CTTNBP2NL: variants seen among roughly 807,000 people sequenced by gnomAD.
CTTNBP2NL encodes the protein CTTNBP2 N-terminal like.
In CTTNBP2NL, 16 loss-of-function variants were observed where a neutral mutation model predicts 32.5. That is an observed-to-expected ratio of 0.49 (90% CI 0.33 to 0.75). The LOEUF is 0.75. Among genes scored for constraint, CTTNBP2NL ranks in the 30% least tolerant of loss-of-function variants. CTTNBP2NL has a pLI of 0.02. For synonymous variants in CTTNBP2NL, 298 were observed against 289.4 expected, an observed-to-expected ratio of 1.03 and a Z score of -0.30; for missense variants, 645 against 756.0, an observed-to-expected ratio of 0.85 and a Z score of 1.72.
chr1:112,460,053 C>G lies in CTTNBP2NL; in HGVS notation c.*2641C>G, dbSNP rs531421150. The G allele has an allele frequency of 6.6e-6, 1 of 152,174 alleles. No homozygotes were observed. The highest frequency in any genetic ancestry group is 1.9e-4 in the East Asian group (1 of 5,178). The allele number at this position is 152,174 out of a possible 1,614,324, so 9.4% of individuals were successfully genotyped here. On this transcript the variant is annotated 3_prime_UTR_variant, in exon 6 of 6. Transcript: ENST00000271277. ...TGTGTGTGTGTGCTAAGTAAAAGTT[C>G]CATGATTCACAATTTTAGTATTAAC...
chr1:112,413,468 A>G (rs1374731985), intron 2 of CTTNBP2NL, among the ~76,000 whole-genome samples: 1 of 152,222 alleles, frequency 6.6e-6, no homozygotes, highest in African/African-American at 2.4e-5. Flanking sequence ...TAATCTTCAT[A>G]GCAGCCCTAT....
rs893165216 is a variant in CTTNBP2NL, at chr1:112,400,726, A to T, written c.-134+4454A>T. On this transcript the variant is annotated intron_variant, in intron 1 of 5. Coordinates refer to ENST00000271277, the MANE Select transcript of CTTNBP2NL (RefSeq NM_018704.3). ...AGAATGGCTTTAACCCGGGAGACGG[A>T]GGTTGCAGTGAGCCAAGATCGTGCC... 7.2e-5 allele frequency among the ~76,000 whole-genome samples: 11 copies of T among 152,262 alleles called. 1 individual carries two copies. Among genetic ancestry groups the T allele is most frequent in the African/African-American group, 2.2e-4 (9 of 41,550 alleles).
chr1:112,415,957 A>G (rs1489240654), intron 2 of CTTNBP2NL, 200 bp from the exon 3 acceptor site: 4 of 487,354 alleles, frequency 8.2e-6, no homozygotes, highest in Non-Finnish European at 1.1e-5. Context: ...AGTGAAATCA[A>G]TAATTAAAGT....
At chr1:112,451,858 C>T (rs192060372) in intron 4 of CTTNBP2NL, among the ~76,000 whole-genome samples, 1 of 152,164 alleles carries the variant, frequency 6.6e-6, no homozygotes, top group African/African-American at 2.4e-5. Context: ...CACCTCTCCT[C>T]TGCAGTACCT....
In CTTNBP2NL at chr1:112,438,649, G is replaced by A. The variant is rs555708365; in HGVS notation, c.100-10293G>A. On this transcript the variant is annotated intron_variant, in intron 3 of 5. Coordinates refer to ENST00000271277, the MANE Select transcript of CTTNBP2NL (RefSeq NM_018704.3). The stretch of plus-strand genomic sequence containing the variant: ...CTTACCTTTTGCCAGCTTTCAAGGG[G>A]AATGCTTCCAGCTTTTGCATATTCA... 4.6e-5 allele frequency among the ~76,000 whole-genome samples: 7 copies of A among 152,264 alleles called. No individual in the cohort carries two copies. In the South Asian group the frequency reaches 1.5e-3, roughly 32 times the overall value.
rs1399861572 is a variant in CTTNBP2NL, at chr1:112,456,725, C to T, written c.1233C>T (p.Ser411=). 1 of 1,614,026 alleles carries T rather than the reference C, an allele frequency of 6.2e-7. No individual in the cohort carries two copies. The highest frequency in any genetic ancestry group is 8.5e-7 in the Non-Finnish European group (1 of 1,179,938). ...CCAGTCCCCTCTCTTCCAGTGGGAG[C>T]TCACTGTCTCCCAGCAGCACTGCCT... ...PMPSPLSSSG[S]SLSPSSTASS... Residue 411 remains serine, a synonymous_variant, in exon 6 of 6, where the codon AGC becomes AGT. Transcript: ENST00000271277.
At position 112,454,568 on chromosome 1, in the gene CTTNBP2NL, A is replaced by G. The variant is rs200426163; in HGVS notation, c.438+12A>G. On this transcript the variant is annotated intron_variant, in intron 5 of 5. Transcript: ENST00000271277. ...GGCTGACTCAACAGGTAATTAAGGTAGAGGGATTCACAGTAGCATTTGCCT... is the reference window on the plus strand; with the variant it reads ...GGCTGACTCAACAGGTAATTAAGGTGGAGGGATTCACAGTAGCATTTGCCT... The G allele has an allele frequency of 1.4e-5, 22 of 1,554,658 alleles. No homozygotes were observed. The East Asian group carries it at 4.7e-4, about 33-fold the overall frequency.
intron 3 of CTTNBP2NL, among the ~76,000 whole-genome samples, chr1:112,442,161 T>C (rs1342578446): frequency 6.6e-6 from 1 of 152,232 alleles, no homozygotes; most frequent in Non-Finnish European, 1.5e-5. Context: ...TGTCTCACTC[T>C]GTCACCCAGG....
chr1:112,417,403 C>A (rs2101003308), intron 3 of CTTNBP2NL, among the ~76,000 whole-genome samples: 1 of 152,328 alleles, frequency 6.6e-6, no homozygotes, highest in South Asian at 2.1e-4. Context: ...ATGTACTCTG[C>A]AGCACATACT....
At chr1:112,405,149 A>G (rs2100992875) in intron 1 of CTTNBP2NL, among the ~76,000 whole-genome samples, 1 of 152,358 alleles carries the variant, frequency 6.6e-6, no homozygotes, top group East Asian at 1.9e-4. Context: ...CTTTTTTAAA[A>G]TGTTCAATGA....
intron 3 of CTTNBP2NL, among the ~76,000 whole-genome samples, chr1:112,426,208 A>T (rs184518556): frequency 6.6e-6 from 1 of 152,184 alleles, no homozygotes; most frequent in East Asian, 1.9e-4. Flanking sequence ...GGATTTTGTC[A>T]TGCTTTTTCT....
intron 3 of CTTNBP2NL, among the ~76,000 whole-genome samples, chr1:112,425,698 T>C (rs537464006): frequency 7.3e-6 from 1 of 137,442 alleles, no homozygotes; most frequent in Admixed American, 7.3e-5. Context: ...ACCCCTTGTC[T>C]AAAAAAAAAA....
Position 112,402,107 on chromosome 1 carries a change from G to C in CTTNBP2NL, c.-134+5835G>C, listed in dbSNP as rs569903380. 5.9e-5 allele frequency among the ~76,000 whole-genome samples: 9 copies of C among 152,104 alleles called. No individual in the cohort carries two copies. The East Asian group carries it at 1.7e-3, about 29-fold the overall frequency. On this transcript the variant is annotated intron_variant, in intron 1 of 5. Coordinates refer to ENST00000271277, the MANE Select transcript of CTTNBP2NL (RefSeq NM_018704.3). ...TAGGCTGAAGCTGAAGTGTGCTCTG[G>C]GTCTACTCACCATAGAAAGGTGAGA...
At chr1:112,450,371 C>G (rs1650180771) in intron 4 of CTTNBP2NL, among the ~76,000 whole-genome samples, 2 of 152,196 alleles carry the variant, frequency 1.3e-5, no homozygotes, top group Non-Finnish European at 2.9e-5. Context: ...TAATCAGATT[C>G]TCCAAGTTAC....
In CTTNBP2NL at chr1:112,455,989, G is replaced by A. The variant is rs549525235; in HGVS notation, c.497G>A (p.Ser166Asn). The A allele has an allele frequency of 2.1e-4, 335 of 1,612,750 alleles. No homozygotes were observed. Among genetic ancestry groups the A allele is most frequent in the Non-Finnish European group, 2.8e-4 (327 of 1,179,716 alleles). The change falls in exon 6 of 6, where the codon AGT becomes AAT. Residue 166 changes from serine to asparagine, a missense_variant. Ser to Asn is a conservative substitution (Grantham distance 46). Transcript: ENST00000271277. ...KFEKEQKKLSSQLEEERSRHK... is the reference protein window; with the variant it reads ...KFEKEQKKLSNQLEEERSRHK... ...GAAAAAGAACAGAAGAAGCTCTCTA[G>A]TCAGCTGGAAGAGGAGCGCTCCCGC...
chr1:112,453,233 G>T (rs1650274491), intron 4 of CTTNBP2NL, among the ~76,000 whole-genome samples: 3 of 151,994 alleles, frequency 2.0e-5, no homozygotes, highest in South Asian at 4.2e-4. Flanking sequence ...TGGGATTACA[G>T]GCATGAGCTC....
intron 3 of CTTNBP2NL, among the ~76,000 whole-genome samples, chr1:112,425,987 G>A (rs530549890): frequency 7.7e-6 from 1 of 130,642 alleles, no homozygotes; most frequent in African/African-American, 2.6e-5. Flanking sequence ...GTGTGTGTGT[G>A]TGTGTGTGTG....
intron 3 of CTTNBP2NL, among the ~76,000 whole-genome samples, chr1:112,419,135 T>C (rs113765922): frequency 0.014 from 2,071 of 152,302 alleles, 43 homozygotes; most frequent in African/African-American, 0.047. Flanking sequence ...TATCCTCTTT[T>C]AAAACCGAGG....
At chr1:112,406,197 C>A (rs933750541) in intron 1 of CTTNBP2NL, among the ~76,000 whole-genome samples, 4 of 151,046 alleles carry the variant, frequency 2.6e-5, no homozygotes, top group African/African-American at 7.3e-5. Context: ...AAAAAAAAAA[C>A]GTGTGCTAGA....
Sources: allele counts gnomAD v4.1 joint callset (sites outside exome capture counted in the v4.1 genomes callset), GRCh38; gene constraint gnomAD v4.1.1; transcripts MANE v1.5; gene names NCBI Gene and HGNC (gene_info 2026-07-23, HGNC 2026-07-21).